Variants in NECTIN3 observed in about 807,000 individuals in gnomAD.
NECTIN3 encodes nectin cell adhesion molecule 3, also known as nectin-3.
In NECTIN3, 8 loss-of-function variants were observed where a neutral mutation model predicts 49.4. The ratio of observed to expected loss-of-function variants is 0.16; its 90% confidence interval spans 0.10 to 0.29. The LOEUF (loss-of-function observed/expected upper bound fraction) is 0.29, where lower values mean the gene tolerates loss of function less well. Among genes scored for constraint, NECTIN3 ranks in the 10% least tolerant of loss-of-function variants. The pLI is 1.00. For missense variants in NECTIN3, 581 were observed against 654.6 expected (o/e 0.89, Z 1.23); for synonymous variants, 277 against 241.1 (o/e 1.15, Z -1.38).
At chr3:111,074,056 A>G (rs1046523233) in intron 1 of NECTIN3, 13 of 337,762 alleles carry the variant, frequency 3.8e-5, no homozygotes, top group Middle Eastern at 6.9e-4. Context: ...AGAGGTAGAC[A>G]CTGGTTTTGT....
chr3:111,099,072 T>A (rs558722432), intron 1 of NECTIN3, among the ~76,000 whole-genome samples: 1 of 152,334 alleles, frequency 6.6e-6, no homozygotes, highest in South Asian at 2.1e-4. Flanking sequence ...TGAGCCTGTT[T>A]GCTTTTGTTT....
At chr3:111,126,962 G>A (rs1016661694) in intron 5 of NECTIN3, among the ~76,000 whole-genome samples, 6 of 152,104 alleles carry the variant, frequency 3.9e-5, no homozygotes, top group East Asian at 1.9e-4. Flanking sequence ...TTTGGCATTC[G>A]TAAAATAGAG....
intron 5 of NECTIN3, among the ~76,000 whole-genome samples, chr3:111,132,803 G>C (rs577687115): frequency 6.6e-6 from 1 of 151,864 alleles, no homozygotes; most frequent in African/African-American, 2.4e-5. Context: ...TGCAGATATA[G>C]TTGAAGTTTT....
At chr3:111,101,621 G>A (rs937569330) in intron 1 of NECTIN3, among the ~76,000 whole-genome samples, 1 of 152,074 alleles carries the variant, frequency 6.6e-6, no homozygotes, top group Non-Finnish European at 1.5e-5. Context: ...TTTCTGCAGT[G>A]ATGCAAATAT....
At chr3:111,178,903 T>C (rs561733789) in intron 7 of NECTIN3, among the ~76,000 whole-genome samples, 3 of 152,346 alleles carry the variant, frequency 2.0e-5, no homozygotes, top group African/African-American at 7.2e-5. Flanking sequence ...TTTCTTCATC[T>C]GTGATATGGG....
chr3:111,075,429 TAA>T (rs751130591), intron 1 of NECTIN3, among the ~76,000 whole-genome samples: 7 of 152,118 alleles, frequency 4.6e-5, no homozygotes, highest in Non-Finnish European at 8.8e-5. Flanking sequence ...TCTTGTTTTA[TAA>T]AGAGATAACA....
intron 7 of NECTIN3, among the ~76,000 whole-genome samples, chr3:111,171,547 A>G (rs1396357414): frequency 6.6e-6 from 1 of 152,228 alleles, no homozygotes; most frequent in Non-Finnish European, 1.5e-5. Context: ...TGTACCCAGA[A>G]GATGCTCACC....
chr3:111,182,654 C>CT lies in NECTIN3; in HGVS notation c.1222-9687dup, dbSNP rs201821313. 5.0e-3 allele frequency among the ~76,000 whole-genome samples: 744 copies of CT among 148,870 alleles called. 4 individuals carry two copies. Among genetic ancestry groups the CT allele is most frequent in the Middle Eastern group, 0.018 (5 of 282 alleles). On this transcript the variant is annotated intron_variant, in intron 7 of 8. Coordinates refer to the NECTIN3 transcript ENST00000493615. ...TACTATAGCTACTCTGGTTTTCAAA[C>CT]TTTTTTTTTTATGATTTGTGTATAG...
rs2034531979 is a variant in NECTIN3 at position 111,135,093 on chromosome 3, A to C, written c.*878A>C. The C allele has an allele frequency of 1.0e-6, 1 of 978,940 alleles. No homozygotes were observed. The highest frequency in any genetic ancestry group is 1.2e-6 in the Non-Finnish European group (1 of 824,264). The allele number at this position is 978,940 out of a possible 1,614,324, so 60.6% of individuals were successfully genotyped here. A position where few individuals can be genotyped will look rare whatever the true frequency, so the allele number is the denominator to read the frequency against. Reference sequence around the variant, plus strand: ...AAAGACGCAGAGAGAGCATTTCGGAATACTGAAGTACTAGTTTTAGAAATG... The same window carrying C: ...AAAGACGCAGAGAGAGCATTTCGGACTACTGAAGTACTAGTTTTAGAAATG... On this transcript the variant is annotated 3_prime_UTR_variant, in exon 6 of 6. Coordinates refer to ENST00000485303, the MANE Select transcript of NECTIN3 (RefSeq NM_015480.3).
intron 5 of NECTIN3, among the ~76,000 whole-genome samples, chr3:111,130,017 G>C (rs1399442780): frequency 6.7e-6 from 1 of 148,530 alleles, no homozygotes; most frequent in East Asian, 2.0e-4. Context: ...GTGCAGTGGA[G>C]CGATCTTGGC....
chr3:111,149,210 A>T (rs898087122), intron 7 of NECTIN3, among the ~76,000 whole-genome samples: 1 of 152,096 alleles, frequency 6.6e-6, no homozygotes, highest in Non-Finnish European at 1.5e-5. Flanking sequence ...TTCTCTTCCT[A>T]AACCAAGATA....
chr3:111,079,129 A>G (rs908396107), intron 1 of NECTIN3, among the ~76,000 whole-genome samples: 1 of 152,108 alleles, frequency 6.6e-6, no homozygotes, highest in African/African-American at 2.4e-5. Context: ...AAATGCTAGT[A>G]TTGGTAAACT....
intron 7 of NECTIN3, among the ~76,000 whole-genome samples, chr3:111,159,269 T>C (rs534873056): frequency 1.8e-4 from 27 of 152,290 alleles, no homozygotes; most frequent in African/African-American, 6.5e-4. Flanking sequence ...AACACCAATA[T>C]TGTCCTGAGG....
At chr3:111,193,445 G>C (rs746377156) in intron 1 of NECTIN3, 182 of 1,438,006 alleles carry the variant, frequency 1.3e-4, no homozygotes, top group Non-Finnish European at 1.7e-4. Flanking sequence ...AGAAGCTAAG[G>C]CCAATAGTTA....
intron 5 of NECTIN3, among the ~76,000 whole-genome samples, chr3:111,131,920 C>G (rs560415133): frequency 6.6e-6 from 1 of 151,600 alleles, no homozygotes; most frequent in East Asian, 1.9e-4. Flanking sequence ...ATGCTGATGC[C>G]AGTTTATTAT....
chr3:111,115,736 G>A (rs188408160), intron 2 of NECTIN3, among the ~76,000 whole-genome samples: 2 of 152,290 alleles, frequency 1.3e-5, no homozygotes, highest in Admixed American at 6.5e-5. Flanking sequence ...AAATCATAAT[G>A]TCTCAGCCAT....
intron 3 of NECTIN3, among the ~76,000 whole-genome samples, chr3:111,119,255 A>C (rs375328249): frequency 6.6e-6 from 1 of 152,164 alleles, no homozygotes; most frequent in African/African-American, 2.4e-5. Flanking sequence ...AGGGCAAACA[A>C]CTTCTACATT....
chr3:111,087,621 C>G (rs1206625887), intron 1 of NECTIN3, among the ~76,000 whole-genome samples: 1 of 151,602 alleles, frequency 6.6e-6, no homozygotes, highest in Admixed American at 6.6e-5. Context: ...CCACTGCACT[C>G]CAGCCTGAGC....
At chr3:111,128,107 G>A (rs1367659696) in intron 5 of NECTIN3, among the ~76,000 whole-genome samples, 1 of 152,086 alleles carries the variant, frequency 6.6e-6, no homozygotes, top group Non-Finnish European at 1.5e-5. Flanking sequence ...GGAGGCCGAG[G>A]TAGGTGGATC....
Sources: allele counts gnomAD v4.1 joint callset (sites outside exome capture counted in the v4.1 genomes callset), GRCh38; gene constraint gnomAD v4.1.1; transcripts MANE v1.5; gene names NCBI Gene and HGNC (gene_info 2026-07-23, HGNC 2026-07-21).